Variants in N4BP2 observed in about 807,000 individuals in gnomAD.
N4BP2 encodes NEDD4 binding protein 2.
Under a neutral mutation model 152.8 loss-of-function variants are expected in N4BP2, and 91 were observed. The ratio of observed to expected loss-of-function variants is 0.60; its 90% CI spans 0.50 to 0.71. N4BP2 has a LOEUF of 0.71. Ranked by LOEUF, N4BP2 falls within the 30% of genes least tolerant of loss-of-function variation. N4BP2 has a pLI of 0.00. For missense variants in N4BP2, 1,923 were observed against 2,059.1 expected (o/e 0.93, Z 1.28); for synonymous variants, 646 against 705.3 (o/e 0.92, Z 1.33).
At chr4:40,119,861 T>C (rs1279622013) in intron 8 of N4BP2, 71 bp from the exon 9 acceptor site, 1 of 700,844 alleles carries the variant, frequency 1.4e-6, no homozygotes, top group Non-Finnish European at 2.4e-6. Context: ...CAATTAATGC[T>C]TCTTTAAATC....
the N4BP2 span, among the ~76,000 whole-genome samples, chr4:40,171,239 G>A: frequency 6.6e-6 from 1 of 152,138 alleles, no homozygotes; most frequent in African/African-American, 2.4e-5. Flanking sequence ...CACTTTCATC[G>A]TTTGTCCATC....
intron 15 of N4BP2, 94 bp from the exon 16 acceptor site, chr4:40,144,538 T>C (rs776994907): frequency 6.0e-5 from 59 of 975,690 alleles, no homozygotes; most frequent in Non-Finnish European, 1.4e-5. Flanking sequence ...TATTCCCTTT[T>C]TCCCCCTTCC....
At chr4:40,171,078 G>A in the N4BP2 span, among the ~76,000 whole-genome samples, 9 of 152,200 alleles carry the variant, frequency 5.9e-5, no homozygotes, top group African/African-American at 2.2e-4. Context: ...TTTAATGATT[G>A]TATCAGTTAT....
intron 2 of N4BP2, among the ~76,000 whole-genome samples, chr4:40,074,997 ACT>A (rs950113632): frequency 1.3e-5 from 2 of 151,268 alleles, no homozygotes; most frequent in Admixed American, 6.6e-5. Context: ...ACAGAGTGAG[ACT>A]CTGTAAAGAA....
intron 4 of N4BP2, 109 bp from the exon 5 acceptor site, chr4:40,106,791 C>T (rs1716341030): frequency 1.9e-6 from 2 of 1,042,476 alleles, no homozygotes; most frequent in Admixed American, 2.5e-5. Context: ...TCAAGTGATC[C>T]ACAAAATGAT....
intron 2 of N4BP2, among the ~76,000 whole-genome samples, chr4:40,092,622 T>G (rs1714713610): frequency 6.6e-6 from 1 of 150,780 alleles, no homozygotes; most frequent in Non-Finnish European, 1.5e-5. Flanking sequence ...TTCCAATGTT[T>G]GTTATCTGCT....
chr4:40,120,496 G>A lies in N4BP2; in HGVS notation c.2385G>A (p.Lys795=), dbSNP rs1717777756. Residue 795 remains lysine (K), a synonymous_variant, in exon 9 of 18, where the codon AAG becomes AAA. Coordinates refer to ENST00000261435, the MANE Select transcript of N4BP2 (RefSeq NM_018177.6). Reference sequence around the variant, plus strand: ...TTGTTGGTGACTGGCCAGTTGATAAGACTATTGGTCAGAGGACAAAAAGGA... The same window carrying A: ...TTGTTGGTGACTGGCCAGTTGATAAAACTATTGGTCAGAGGACAAAAAGGA... ...SNFVGDWPVD[K]TIGQRTKRNR... is the part of the protein sequence containing the mutation. The A allele has an allele frequency of 6.2e-7, 1 of 1,613,578 alleles. No homozygotes were observed. The highest frequency in any genetic ancestry group is 1.1e-5 in the South Asian group (1 of 91,072).
chr4:40,134,931 TTTTTATTTTA>T (rs55709780), intron 13 of N4BP2, among the ~76,000 whole-genome samples: 1 of 120,002 alleles, frequency 8.3e-6, no homozygotes, highest in African/African-American at 3.0e-5. Flanking sequence ...CTTTCTTTCT[TTTTTATTTTA>T]TTTTATTTTA....
Position 40,093,440 on chromosome 4 carries a change from CG to C in N4BP2, c.-114-3786del, listed in dbSNP as rs557177453. 2.0e-3 allele frequency among the ~76,000 whole-genome samples: 298 copies of C among 150,734 alleles called. 2 individuals are homozygous for C. Among genetic ancestry groups the C allele is most frequent in the South Asian group, 9.3e-3 (44 of 4,736 alleles). On this transcript the variant is annotated intron_variant, in intron 2 of 17. Transcript: ENST00000261435. ...ATTTTTTTTTGAGACAGAGTCTTGC[CG>C]TGTCACCCAGGCTGGAGTGCAGTGG...
intron 16 of N4BP2, among the ~76,000 whole-genome samples, chr4:40,147,394 T>C (rs1037596888): frequency 3.0e-4 from 45 of 152,184 alleles, no homozygotes; most frequent in Non-Finnish European, 4.3e-4. Flanking sequence ...AAACCGCCAT[T>C]GTCATCATGG....
intron 14 of N4BP2, among the ~76,000 whole-genome samples, chr4:40,138,990 C>T (rs1047072328): frequency 6.6e-6 from 1 of 152,092 alleles, no homozygotes; most frequent in Non-Finnish European, 1.5e-5. Flanking sequence ...TGATGGGGTT[C>T]GTGTTGAATA....
chr4:40,162,212 A>G (rs112937281), downstream of N4BP2, among the ~76,000 whole-genome samples: 49 of 152,330 alleles, frequency 3.2e-4, no homozygotes, highest in Non-Finnish European at 4.0e-4. Flanking sequence ...CATTAGAAGT[A>G]GAGCTGGGGC....
At chr4:40,125,619 C>G (rs1042874316) in intron 11 of N4BP2, among the ~76,000 whole-genome samples, 1 of 152,208 alleles carries the variant, frequency 6.6e-6, no homozygotes, top group Admixed American at 6.5e-5. Context: ...GGTGCGGTGG[C>G]TCACGCCTGT....
rs371352230 is a variant in N4BP2, at chr4:40,138,946, TTG to T, written c.4785+1867_4785+1868del. Among the ~76,000 whole-genome samples the T allele has an allele frequency of 2.4e-3, 358 of 152,326 alleles. 1 individual carries two copies. Among genetic ancestry groups the T allele is most frequent in the African/African-American group, 8.2e-3 (339 of 41,564 alleles). ...TTTCCATGTGAATTTTAGGATTAGTTTGTGAATTTCTGCAAAGAAGCCAGCTA... is the reference window on the plus strand; with the variant it reads ...TTTCCATGTGAATTTTAGGATTAGTTTGAATTTCTGCAAAGAAGCCAGCTA... On this transcript the variant is annotated intron_variant, in intron 14 of 17. Transcript: ENST00000261435.
chr4:40,152,443 T>TG (rs576089399), intron 16 of N4BP2, among the ~76,000 whole-genome samples: 2 of 152,302 alleles, frequency 1.3e-5, no homozygotes, highest in Non-Finnish European at 2.9e-5. Flanking sequence ...GTATAGTAAT[T>TG]GTTAGGTATC....
At chr4:40,178,887 C>G in the N4BP2 span, among the ~76,000 whole-genome samples, 3,396 of 152,232 alleles carry the variant, frequency 0.022, 136 homozygotes, top group African/African-American at 0.077. Context: ...TTTGCTTAAA[C>G]CTGGCTGAGT....
intron 7 of N4BP2, among the ~76,000 whole-genome samples, chr4:40,114,796 T>C (rs1250506217): frequency 2.0e-5 from 3 of 152,212 alleles, no homozygotes; most frequent in Non-Finnish European, 4.4e-5. Flanking sequence ...AAAAATTCTT[T>C]GGATCTGATG....
chr4:40,120,465 C>T lies in N4BP2; in HGVS notation c.2354C>T (p.Ser785Leu). ...TLEKFPRHEL[S>L]NFVGDWPVDK... Reference sequence around the variant, plus strand: ...GAAAAGTTCCCAAGACATGAGCTATCAAATTTTGTTGGTGACTGGCCAGTT... The same window carrying T: ...GAAAAGTTCCCAAGACATGAGCTATTAAATTTTGTTGGTGACTGGCCAGTT... The change falls in exon 9 of 18, where the codon TCA (serine) becomes TTA (leucine). Residue 785 changes from serine to leucine, a missense_variant. Ser to Leu is a moderately radical substitution (Grantham distance 145). Coordinates refer to ENST00000261435, the MANE Select transcript of N4BP2 (RefSeq NM_018177.6). 3.7e-6 allele frequency: 6 copies of T among 1,613,756 alleles called. No homozygotes were observed. The highest frequency in any genetic ancestry group is 2.5e-6 in the Non-Finnish European group (3 of 1,179,986).
downstream of N4BP2, among the ~76,000 whole-genome samples, chr4:40,160,467 G>A (rs1443507053): frequency 6.6e-6 from 1 of 152,196 alleles, no homozygotes; most frequent in Non-Finnish European, 1.5e-5. Flanking sequence ...GGGCAGTGGA[G>A]CGAGCTGCAG....
Sources: gnomAD v4.1 joint callset for allele counts (sites outside exome capture counted in the v4.1 genomes callset) on GRCh38, gnomAD v4.1.1 for gene constraint, MANE v1.5 for transcripts, NCBI Gene and HGNC (gene_info 2026-07-23, HGNC 2026-07-21) for gene names.